Variants in MTREX observed in about 807,000 individuals in gnomAD.
MTREX encodes the protein Mtr4 exosome RNA helicase.
A neutral mutation model predicts 135.4 loss-of-function variants in MTREX; 76 were observed. The ratio of observed to expected loss-of-function variants is 0.56; its 90% CI spans 0.47 to 0.68. The LOEUF (loss-of-function observed/expected upper bound fraction) is 0.68. MTREX is among the 30% of genes least tolerant of loss of function. MTREX has a pLI of 0.00. For missense variants in MTREX, 920 were observed against 1,262.1 expected, an observed-to-expected ratio of 0.73 and a Z score of 4.11; for synonymous variants, 404 against 401.6, an observed-to-expected ratio of 1.01 and a Z score of -0.07.
At chr5:55,327,488 T>G in intron 3 of MTREX, 1 of 447,696 alleles carries the variant, frequency 2.2e-6, no homozygotes. Flanking sequence ...CAGCTTTCAA[T>G]TATTACCCTT....
At chr5:55,344,666 T>TA in intron 9 of MTREX, 46 bp downstream of exon 9, 2 of 1,091,108 alleles carry the variant, frequency 1.8e-6, no homozygotes, top group Non-Finnish European at 2.7e-6. Context: ...TCATACTTTA[T>TA]TATTAATATC....
intron 9 of MTREX, 36 bp downstream of exon 9, chr5:55,344,656 TC>T: frequency 8.4e-7 from 1 of 1,193,296 alleles, no homozygotes; most frequent in Non-Finnish European, 1.2e-6. Flanking sequence ...ATCTATAATG[TC>T]ATACTTTATT....
chr5:55,383,941 A>G (rs2112104628), intron 18 of MTREX, among the ~76,000 whole-genome samples: 1 of 152,088 alleles, frequency 6.6e-6, no homozygotes, highest in South Asian at 2.1e-4. Flanking sequence ...GGCTAACTTT[A>G]AACAATTTTT....
intron 6 of MTREX, among the ~76,000 whole-genome samples, chr5:55,340,905 A>G (rs1200954597): frequency 6.6e-6 from 1 of 152,146 alleles, no homozygotes; most frequent in Non-Finnish European, 1.5e-5. Flanking sequence ...TTTAGAGTGC[A>G]GTATTATGTT....
chr5:55,381,236 GTC>G (rs1750392435), intron 18 of MTREX, among the ~76,000 whole-genome samples: 1 of 151,066 alleles, frequency 6.6e-6, no homozygotes, highest in African/African-American at 2.4e-5. Flanking sequence ...CTATTTTTCT[GTC>G]TCTATTTCAT....
rs1024579239 is a variant in MTREX, at chr5:55,425,447, G to A, written c.*675G>A. 2.0e-5 allele frequency: 20 copies of A among 999,510 alleles called. No individual in the cohort carries two copies. Among genetic ancestry groups the A allele is most frequent in the Non-Finnish European group, 2.9e-5 (20 of 701,190 alleles). 61.9% of individuals were successfully genotyped at this position (999,510 alleles called of 1,614,324 possible). A position where few individuals can be genotyped will look rare whatever the true frequency, so the allele number is the denominator to read the frequency against. ...TAAACAAAAGGATATACTTTGAGGT[G>A]TACAGATTAAGCATATAAAAAATTA... On this transcript the variant is annotated 3_prime_UTR_variant, in exon 27 of 27. Coordinates refer to ENST00000230640, the MANE Select transcript of MTREX (RefSeq NM_015360.5).
At chr5:55,374,730 C>G (rs1326429330) in intron 16 of MTREX, among the ~76,000 whole-genome samples, 1 of 152,156 alleles carries the variant, frequency 6.6e-6, no homozygotes, top group Non-Finnish European at 1.5e-5. Context: ...AAAACTGCAA[C>G]TATATATTTA....
At chr5:55,317,868 A>G (rs1749223492) in intron 1 of MTREX, among the ~76,000 whole-genome samples, 1 of 152,244 alleles carries the variant, frequency 6.6e-6, no homozygotes, top group Non-Finnish European at 1.5e-5. Context: ...AAATTTTTGC[A>G]AACTATGCAT....
At chr5:55,341,963 A>T (rs1032388059) in intron 7 of MTREX, among the ~76,000 whole-genome samples, 192 bp downstream of exon 7, 1 of 152,154 alleles carries the variant, frequency 6.6e-6, no homozygotes, top group Non-Finnish European at 1.5e-5. Flanking sequence ...GTTGAAGTGC[A>T]TGATCCTAGG....
intron 16 of MTREX, among the ~76,000 whole-genome samples, chr5:55,370,340 T>C (rs1750176165): frequency 6.6e-6 from 1 of 152,188 alleles, no homozygotes; most frequent in African/African-American, 2.4e-5. Context: ...AAACTGTTAA[T>C]CTTGCCTCGG....
At chr5:55,308,908 A>G (rs1405510914) in intron 1 of MTREX, among the ~76,000 whole-genome samples, 4 of 152,184 alleles carry the variant, frequency 2.6e-5, no homozygotes, top group Non-Finnish European at 4.4e-5. Context: ...TACCCAATAG[A>G]TGCTTGAAAT....
At chr5:55,357,009 G>A (rs1039062420) in intron 14 of MTREX, 1 of 155,074 alleles carries the variant, frequency 6.4e-6, no homozygotes, top group African/African-American at 2.4e-5. Flanking sequence ...AGGAACCCTT[G>A]GTGATGATGT....
At chr5:55,347,276 C>T (rs1749753876) in intron 11 of MTREX, 132 bp downstream of exon 11, 1 of 850,688 alleles carries the variant, frequency 1.2e-6, no homozygotes, top group Non-Finnish European at 1.7e-6. Flanking sequence ...GTACTCAGCA[C>T]ATTTGTAAAA....
chr5:55,409,432 G>A (rs1444258019), intron 22 of MTREX, among the ~76,000 whole-genome samples: 4 of 152,016 alleles, frequency 2.6e-5, no homozygotes, highest in Non-Finnish European at 5.9e-5. Flanking sequence ...GTCCACAAGT[G>A]GTCAAATACA....
rs111851856 is a variant in MTREX at position 55,331,070 on chromosome 5, G to T, written c.515+2259G>T. On this transcript the variant is annotated intron_variant, in intron 5 of 26. Transcript: ENST00000230640. ...TGTTTTCCGTATTTTTACTTAACGT[G>T]CTGTTTAATTTTCCTCAGCTTTCTT... is the stretch of plus-strand genomic sequence containing the variant. Among the ~76,000 whole-genome samples, 928 of 151,584 alleles carry T rather than the reference G, an allele frequency of 6.1e-3. 8 individuals are homozygous for T. Among genetic ancestry groups the T allele is most frequent in the African/African-American group, 0.022 (895 of 41,296 alleles).
intron 16 of MTREX, among the ~76,000 whole-genome samples, chr5:55,367,593 C>A (rs914493513): frequency 6.6e-6 from 1 of 151,860 alleles, no homozygotes; most frequent in Non-Finnish European, 1.5e-5. Context: ...AAATATAATG[C>A]TTTAACTTGG....
intron 18 of MTREX, among the ~76,000 whole-genome samples, chr5:55,384,777 G>A (rs139542578): frequency 3.8e-4 from 58 of 152,230 alleles, no homozygotes; most frequent in African/African-American, 1.3e-3. Context: ...AGAGTTGGGG[G>A]TCACAGCCTT....
intron 5 of MTREX, among the ~76,000 whole-genome samples, chr5:55,339,226 T>C (rs573488912): frequency 6.6e-6 from 1 of 152,362 alleles, no homozygotes; most frequent in South Asian, 2.1e-4. Flanking sequence ...CTTGCAATTT[T>C]TTTCTTGAAA....
chr5:55,317,383 A>G (rs1579844824), intron 1 of MTREX, among the ~76,000 whole-genome samples: 1 of 152,200 alleles, frequency 6.6e-6, no homozygotes, highest in Admixed American at 6.5e-5. Context: ...TTCAAACTAT[A>G]CTACAAGGCT....
Sources: gnomAD v4.1 joint callset for allele counts (sites outside exome capture counted in the v4.1 genomes callset) on GRCh38, gnomAD v4.1.1 for gene constraint, MANE v1.5 for transcripts, NCBI Gene and HGNC (gene_info 2026-07-23, HGNC 2026-07-21) for gene names.